The following AP3B1 variants were observed in gnomAD, a reference collection of about 807,000 sequenced individuals.
The protein encoded by AP3B1 is adaptor related protein complex 3 subunit beta 1.
Under a neutral mutation model 132.5 loss-of-function variants are expected in AP3B1, and 61 were observed. The observed-to-expected ratio is 0.46, with a 90% CI of 0.37 to 0.57. The LOEUF (loss-of-function observed/expected upper bound fraction) is 0.57. Among genes scored for constraint, AP3B1 ranks in the 20% least tolerant of loss-of-function variants. AP3B1 has a pLI of 0.00. For missense variants in AP3B1, 1,120 were observed against 1,289.4 expected (o/e 0.87, Z 2.01); for synonymous variants, 388 against 438.3 (o/e 0.89, Z 1.43).
Position 78,039,195 on chromosome 5 carries a change from T to G in AP3B1, c.2657A>C (p.Tyr886Ser). The change falls in exon 23 of 27, where the codon TAT (tyrosine) becomes TCT (serine). Residue 886 changes from tyrosine (Y) to serine (S), a missense_variant. Transcript: ENST00000255194. ...AATGCAAGGCTGTCTTGGAAAGAAA[T>G]AATGGGCAGCTAGTCCTTTTCCACT... is the stretch of plus-strand genomic sequence containing the variant. ...RMSGKGLAAH[Y>S]FFPRQPCIFG... is the part of the protein sequence containing the mutation. The G allele has an allele frequency of 1.2e-6, 2 of 1,614,136 alleles. No homozygotes were observed. Among genetic ancestry groups the G allele is most frequent in the Admixed American group, 1.7e-5 (1 of 60,020 alleles).
chr5:78,246,190 T>G (rs560959660), intron 2 of AP3B1, among the ~76,000 whole-genome samples: 1 of 152,342 alleles, frequency 6.6e-6, no homozygotes, highest in South Asian at 2.1e-4. Flanking sequence ...GTTCTCTAAC[T>G]TCACACATTT....
chr5:78,279,326 C>T (rs7700552), intron 1 of AP3B1, among the ~76,000 whole-genome samples: 34,298 of 152,014 alleles, frequency 0.23, 4,529 homozygotes, highest in Middle Eastern at 0.31. Flanking sequence ...TTTTCTGAAG[C>T]TTATAACACT....
At chr5:78,238,121 G>T (rs117994879) in intron 3 of AP3B1, among the ~76,000 whole-genome samples, 1 of 152,142 alleles carries the variant, frequency 6.6e-6, no homozygotes, top group Non-Finnish European at 1.5e-5. Context: ...TTCATTGCTC[G>T]CATTACCTCC....
chr5:78,104,207 CTTTT>C (rs1222591622), intron 20 of AP3B1, among the ~76,000 whole-genome samples: 6 of 152,206 alleles, frequency 3.9e-5, no homozygotes, highest in Non-Finnish European at 8.8e-5. Flanking sequence ...AATTTAATGA[CTTTT>C]TTCCTTCAAG....
rs1580431618 is a variant in AP3B1 at position 78,165,732 on chromosome 5, T to G, written c.1168-60A>C. The G allele has an allele frequency of 3.6e-6, 4 of 1,122,626 alleles. No homozygotes were observed. The Admixed American group carries it at 5.5e-5, about 15-fold the overall frequency. 69.5% of individuals were successfully genotyped at this position (1,122,626 alleles called of 1,614,324 possible). On this transcript the variant is annotated intron_variant, in intron 11 of 26. Coordinates refer to ENST00000255194, the MANE Select transcript of AP3B1 (RefSeq NM_003664.5). ...AACAAAGGTAGCAAGATGAATTTAA[T>G]AGAGTACAGACATTTAATTGAAAGT...
intron 7 of AP3B1, among the ~76,000 whole-genome samples, chr5:78,214,420 A>ACTACG (rs749704188): frequency 2.0e-4 from 31 of 152,238 alleles, no homozygotes; most frequent in Non-Finnish European, 3.1e-4. Flanking sequence ...CAGAGATTTT[A>ACTACG]CTACGGGTTA....
chr5:78,285,248 CAAA>C (rs369311356), intron 1 of AP3B1, among the ~76,000 whole-genome samples: 1 of 133,352 alleles, frequency 7.5e-6, no homozygotes, highest in African/African-American at 2.8e-5. Context: ...GACTCTGTCT[CAAA>C]AAAAAAAAAA....
intron 1 of AP3B1, 129 bp downstream of exon 1, chr5:78,294,323 C>T (rs1749659142): frequency 1.5e-6 from 2 of 1,375,458 alleles, no homozygotes; most frequent in Non-Finnish European, 2.0e-6. Context: ...CCGCGGGACA[C>T]GTTACCGCCC....
intron 20 of AP3B1, among the ~76,000 whole-genome samples, chr5:78,104,310 T>C (rs1751246076): frequency 6.6e-6 from 1 of 152,186 alleles, no homozygotes; most frequent in East Asian, 1.9e-4. Context: ...AATTGAGACT[T>C]CTTTATAAGT....
chr5:78,294,324 G>T, intron 1 of AP3B1, 128 bp downstream of exon 1: 4 of 1,395,300 alleles, frequency 2.9e-6, no homozygotes, highest in Non-Finnish European at 3.9e-6. Flanking sequence ...CGCGGGACAC[G>T]TTACCGCCCT....
At chr5:78,240,403 A>G (rs1309657826) in intron 3 of AP3B1, among the ~76,000 whole-genome samples, 1 of 152,226 alleles carries the variant, frequency 6.6e-6, no homozygotes, top group East Asian at 1.9e-4. Flanking sequence ...ATAAATCCAC[A>G]TATATGTACT....
At chr5:78,169,740 T>C (rs1365389344) in intron 11 of AP3B1, among the ~76,000 whole-genome samples, 5 of 150,938 alleles carry the variant, frequency 3.3e-5, no homozygotes, top group Non-Finnish European at 5.9e-5. Flanking sequence ...GAAGTTTATT[T>C]ATTTATTTAT....
intron 8 of AP3B1, among the ~76,000 whole-genome samples, chr5:78,179,153 A>G (rs1744267240): frequency 1.3e-5 from 2 of 152,198 alleles, no homozygotes; most frequent in African/African-American, 2.4e-5. Flanking sequence ...CTAATCCAAG[A>G]TCAGTCATTT....
intron 12 of AP3B1, among the ~76,000 whole-genome samples, chr5:78,163,662 C>T (rs1465698395): frequency 1.4e-5 from 2 of 147,786 alleles, no homozygotes; most frequent in African/African-American, 2.5e-5. Flanking sequence ...TACACACACA[C>T]ACATATATAT....
chr5:78,185,799 C>CT (rs760384462), intron 7 of AP3B1, among the ~76,000 whole-genome samples: 2 of 152,048 alleles, frequency 1.3e-5, no homozygotes, highest in Non-Finnish European at 2.9e-5. Context: ...GAGCCCAATA[C>CT]TTTGAGGCTT....
At chr5:78,199,338 T>A (rs541674712) in intron 7 of AP3B1, among the ~76,000 whole-genome samples, 1 of 152,330 alleles carries the variant, frequency 6.6e-6, no homozygotes, top group African/African-American at 2.4e-5. Flanking sequence ...ATGAAACATG[T>A]TGAACTTAGG....
At chr5:78,024,943 C>T (rs927285811) in intron 24 of AP3B1, among the ~76,000 whole-genome samples, 69 of 151,148 alleles carry the variant, frequency 4.6e-4, no homozygotes, top group African/African-American at 1.7e-3. Context: ...AAGTGATCCT[C>T]CTGCCTTGGC....
intron 17 of AP3B1, among the ~76,000 whole-genome samples, chr5:78,126,647 T>C (rs1042978874): frequency 7.2e-5 from 11 of 152,254 alleles, no homozygotes; most frequent in Non-Finnish European, 1.3e-4. Context: ...CTCATATTTT[T>C]ACATATTACT....
chr5:78,124,664 GA>G (rs1254973323), intron 17 of AP3B1, among the ~76,000 whole-genome samples: 1 of 152,112 alleles, frequency 6.6e-6, no homozygotes. Context: ...GAATATATTT[GA>G]ATAAGATGCT....
Sources: allele counts gnomAD v4.1 joint callset (sites outside exome capture counted in the v4.1 genomes callset), GRCh38; gene constraint gnomAD v4.1.1; transcripts MANE v1.5; gene names NCBI Gene and HGNC (gene_info 2026-07-23, HGNC 2026-07-21).